The following NFIL3 variants were observed in gnomAD, a reference collection of about 807,000 sequenced individuals.
NFIL3 encodes nuclear factor interleukin-3-regulated protein.
A neutral mutation model predicts 10.0 loss-of-function variants in NFIL3; 5 were observed. The observed-to-expected ratio is 0.50, with a 90% CI of 0.26 to 1.06. The LOEUF is 1.06. Among genes scored for constraint, NFIL3 ranks in the 50% least tolerant of loss-of-function variants. The pLI is 0.13. For synonymous variants in NFIL3, 202 were observed against 206.5 expected (o/e 0.98, Z 0.19); for missense variants, 436 against 547.6 (o/e 0.80, Z 2.03).
the NFIL3 span, among the ~76,000 whole-genome samples, chr9:91,464,764 G>T: frequency 1.3e-5 from 2 of 152,046 alleles, no homozygotes. Flanking sequence ...AACTTTGAAG[G>T]GTAATTTTTC....
the NFIL3 span, among the ~76,000 whole-genome samples, chr9:91,441,023 G>T: frequency 0.018 from 2,699 of 152,154 alleles, 41 homozygotes; most frequent in Middle Eastern, 0.031. Context: ...AGGGCTGTAT[G>T]GTCTAAAGTG....
the NFIL3 span, among the ~76,000 whole-genome samples, chr9:91,470,461 A>T: frequency 6.9e-6 from 1 of 144,394 alleles, no homozygotes; most frequent in South Asian, 2.2e-4. Flanking sequence ...TGATCTTTTA[A>T]AAAAAACCAG....
the NFIL3 span, among the ~76,000 whole-genome samples, chr9:91,483,216 C>A: frequency 6.6e-6 from 1 of 152,346 alleles, no homozygotes; most frequent in South Asian, 2.1e-4. Flanking sequence ...TCACCCCCTC[C>A]TTCTGTCCCT....
rs533724499 is a variant in NFIL3, at chr9:91,419,800, C to A, written c.-173+3840G>T. On this transcript the variant is annotated intron_variant, in intron 1 of 1. Transcript: ENST00000297689. ...TCAGTTCCAGGCTGTTTTTGCTGCT[C>A]GTGACTCTTACTGAAGCCCTGACCT... Among the ~76,000 whole-genome samples, 2 of 152,188 alleles carry A rather than the reference C, an allele frequency of 1.3e-5. 1 individual carries two copies. Among genetic ancestry groups the A allele is most frequent in the South Asian group, 4.1e-4 (2 of 4,838 alleles).
chr9:91,477,343 TTC>T, the NFIL3 span, among the ~76,000 whole-genome samples: 3 of 152,184 alleles, frequency 2.0e-5, no homozygotes, highest in Non-Finnish European at 4.4e-5. Context: ...TGAATTCCTC[TTC>T]TCTCTGCAGC....
the NFIL3 span, among the ~76,000 whole-genome samples, chr9:91,446,112 G>T: frequency 1.3e-5 from 2 of 152,094 alleles, no homozygotes; most frequent in African/African-American, 2.4e-5. Context: ...CCTTAACTAG[G>T]ATCAGAATCT....
At chr9:91,452,548 G>T in the NFIL3 span, among the ~76,000 whole-genome samples, 1 of 152,132 alleles carries the variant, frequency 6.6e-6, no homozygotes, top group Non-Finnish European at 1.5e-5. Flanking sequence ...GCTGAGGTGG[G>T]CAGATCACCT....
the NFIL3 span, among the ~76,000 whole-genome samples, chr9:91,444,107 T>C: frequency 1.3e-5 from 2 of 152,240 alleles, no homozygotes; most frequent in African/African-American, 4.8e-5. Flanking sequence ...ACAGGCTTTC[T>C]TCATTCTTTT....
chr9:91,480,521 C>T, the NFIL3 span, among the ~76,000 whole-genome samples: 1 of 152,002 alleles, frequency 6.6e-6, no homozygotes, highest in African/African-American at 2.4e-5. Context: ...TCACAACATG[C>T]AGAATAATAT....
chr9:91,442,922 T>G, the NFIL3 span, among the ~76,000 whole-genome samples: 1 of 152,146 alleles, frequency 6.6e-6, no homozygotes, highest in Non-Finnish European at 1.5e-5. Context: ...TTACAGCACT[T>G]TCAGTCCTGC....
chr9:91,437,493 C>T, the NFIL3 span, among the ~76,000 whole-genome samples: 1 of 152,318 alleles, frequency 6.6e-6, no homozygotes, highest in South Asian at 2.1e-4. Context: ...CACAGTTACA[C>T]TTTTGTTAGT....
chr9:91,470,986 T>C, the NFIL3 span, among the ~76,000 whole-genome samples: 1 of 152,216 alleles, frequency 6.6e-6, no homozygotes, highest in Admixed American at 6.5e-5. Context: ...CTGAGAAGAA[T>C]GTATATACTG....
At chr9:91,449,109 CT>C in the NFIL3 span, among the ~76,000 whole-genome samples, 1 of 152,076 alleles carries the variant, frequency 6.6e-6, no homozygotes, top group East Asian at 1.9e-4. Context: ...AATTTATTAG[CT>C]TTCTTGTGTA....
At chr9:91,481,019 A>G in the NFIL3 span, among the ~76,000 whole-genome samples, 2 of 152,210 alleles carry the variant, frequency 1.3e-5, no homozygotes, top group African/African-American at 4.8e-5. Flanking sequence ...ACTTCCTGAC[A>G]TCCACATTTC....
the NFIL3 span, among the ~76,000 whole-genome samples, chr9:91,440,378 A>G: frequency 6.6e-6 from 1 of 151,666 alleles, no homozygotes; most frequent in African/African-American, 2.4e-5. Flanking sequence ...TTTTTATTTT[A>G]TTTGAGTCTT....
chr9:91,417,906 G>T (rs907428987), intron 1 of NFIL3, among the ~76,000 whole-genome samples: 2 of 152,148 alleles, frequency 1.3e-5, no homozygotes, highest in Non-Finnish European at 2.9e-5. Context: ...AAATAAATGT[G>T]TCAAAGCCTG....
chr9:91,444,800 A>G, the NFIL3 span, among the ~76,000 whole-genome samples: 8 of 152,160 alleles, frequency 5.3e-5, no homozygotes, highest in Non-Finnish European at 1.2e-4. Flanking sequence ...TGGTGGCAAG[A>G]GCTTTAGAGA....
At chr9:91,455,188 A>G in the NFIL3 span, among the ~76,000 whole-genome samples, 1 of 152,182 alleles carries the variant, frequency 6.6e-6, no homozygotes, top group South Asian at 2.1e-4. Flanking sequence ...AGTAATAAAC[A>G]TCTTGAGGGA....
the NFIL3 span, among the ~76,000 whole-genome samples, chr9:91,470,429 G>T: frequency 2.0e-5 from 1 of 49,556 alleles, no homozygotes; most frequent in African/African-American, 1.4e-4. Flanking sequence ...TATTAGTCTT[G>T]CTAGTGGTGT....
Sources: gnomAD v4.1 joint callset for allele counts (sites outside exome capture counted in the v4.1 genomes callset) on GRCh38, gnomAD v4.1.1 for gene constraint, MANE v1.5 for transcripts, NCBI Gene and HGNC (gene_info 2026-07-23, HGNC 2026-07-21) for gene names.